KCNQ5: variants seen among roughly 807,000 people sequenced by gnomAD.
KCNQ5 encodes the protein potassium voltage-gated channel subfamily Q member 5, also known as potassium voltage-gated channel subfamily KQT member 5.
A neutral mutation model predicts 98.2 loss-of-function variants in KCNQ5; 30 were observed. The observed-to-expected ratio is 0.31, with a 90% confidence interval of 0.23 to 0.41. The LOEUF is 0.41. KCNQ5 is among the 10% of genes least tolerant of loss of function. KCNQ5 has a pLI of 1.00. For missense variants in KCNQ5, 835 were observed against 1,182.5 expected (o/e 0.71, Z 4.31); for synonymous variants, 458 against 449.4 (o/e 1.02, Z -0.24).
chr6:72,884,598 A>G (rs1028218648), intron 1 of KCNQ5, among the ~76,000 whole-genome samples: 5 of 149,184 alleles, frequency 3.4e-5, no homozygotes, highest in African/African-American at 1.0e-4. Context: ...AGAAATCATT[A>G]TAAAAATTCA....
chr6:72,859,413 TC>T (rs1374237288), intron 1 of KCNQ5, among the ~76,000 whole-genome samples: 1 of 137,756 alleles, frequency 7.3e-6, no homozygotes, highest in Non-Finnish European at 1.7e-5. Context: ...ACCCTTGTTT[TC>T]CCCATATTTT....
rs1054397599 is a variant in KCNQ5, at chr6:72,622,840, G to T, written c.398+253G>T. Among the ~76,000 whole-genome samples, 2 of 152,188 alleles carry T rather than the reference G, an allele frequency of 1.3e-5. No individual in the cohort carries two copies. The highest frequency in any genetic ancestry group is 3.9e-4 in the East Asian group (2 of 5,174). On this transcript the variant is annotated intron_variant, in intron 1 of 13. Coordinates refer to ENST00000370398, the MANE Select transcript of KCNQ5 (RefSeq NM_019842.4). This position sits in a 1 kb window ranked among gnomAD's most constrained non-coding sequence, Gnocchi z 6.0. ...TGCCCGGTAGCTTCAGGCTCCCGGG[G>T]CGAGAGCCAGGCAGACGCGGGACTT...
At chr6:73,141,363 C>T (rs1018711831) in intron 10 of KCNQ5, among the ~76,000 whole-genome samples, 1 of 152,184 alleles carries the variant, frequency 6.6e-6, no homozygotes, top group Admixed American at 6.5e-5. Context: ...ACATTCAGAC[C>T]ATAACAGGTT....
At chr6:72,669,338 A>C (rs1766982129) in intron 1 of KCNQ5, among the ~76,000 whole-genome samples, 1 of 152,338 alleles carries the variant, frequency 6.6e-6, no homozygotes, top group South Asian at 2.1e-4. Context: ...ATCCCGAACA[A>C]GTCAAACTTA....
intron 5 of KCNQ5, among the ~76,000 whole-genome samples, chr6:73,086,345 G>A (rs928762767): frequency 6.6e-6 from 1 of 151,924 alleles, no homozygotes; most frequent in Non-Finnish European, 1.5e-5. Flanking sequence ...TCACACTGAG[G>A]CCACATCATA....
chr6:72,633,613 T>C (rs1002368719), intron 1 of KCNQ5, among the ~76,000 whole-genome samples: 2 of 152,226 alleles, frequency 1.3e-5, no homozygotes, highest in African/African-American at 2.4e-5. Flanking sequence ...AGAACAAAGC[T>C]GGAGGCATCA....
chr6:73,004,145 T>C, intron 2 of KCNQ5, 147 bp downstream of exon 2: 1 of 562,294 alleles, frequency 1.8e-6, no homozygotes, highest in Non-Finnish European at 3.2e-6. Context: ...CTGAAACATT[T>C]GCCCACCAAT....
rs1283489190 is a variant in KCNQ5 at position 73,197,577 on chromosome 6, GCATACACACACACA to G, written c.*2166_*2179del. Reference sequence around the variant, plus strand: ...TGTGATTCCCCCTTGCAAGAATGTTGCATACACACACACACACACACACACACACACACACACAC... The same window carrying G: ...TGTGATTCCCCCTTGCAAGAATGTTGCACACACACACACACACACACACAC... On this transcript the variant is annotated 3_prime_UTR_variant, in exon 14 of 14. Transcript: ENST00000370398. The G allele has an allele frequency of 8.4e-5, 9 of 106,934 alleles. No homozygotes were observed. Among genetic ancestry groups the G allele is most frequent in the Admixed American group, 3.4e-4 (3 of 8,720 alleles). 6.6% of individuals were successfully genotyped at this position (106,934 alleles called of 1,614,324 possible).
chr6:72,755,274 G>A (rs990057595), intron 1 of KCNQ5, among the ~76,000 whole-genome samples: 2 of 151,922 alleles, frequency 1.3e-5, no homozygotes, highest in African/African-American at 4.8e-5. Context: ...TATTTATAGA[G>A]TTGGGACTTC....
chr6:73,149,831 G>GAA (rs1445140941), intron 10 of KCNQ5, among the ~76,000 whole-genome samples: 1,765 of 149,570 alleles, frequency 0.012, 40 homozygotes, highest in African/African-American at 0.042. Flanking sequence ...AGAGAGGGAG[G>GAA]GAGGAAGGAA....
At chr6:72,984,173 C>G (rs945924152) in intron 1 of KCNQ5, among the ~76,000 whole-genome samples, 2 of 152,204 alleles carry the variant, frequency 1.3e-5, no homozygotes, top group African/African-American at 4.8e-5. Context: ...GTCAGGGACC[C>G]ACTTGAGGAG....
chr6:72,669,234 G>A (rs977209881), intron 1 of KCNQ5, among the ~76,000 whole-genome samples: 2 of 152,144 alleles, frequency 1.3e-5, no homozygotes, highest in Non-Finnish European at 2.9e-5. Flanking sequence ...AACCCGACAA[G>A]CTAATGGGCT....
intron 1 of KCNQ5, among the ~76,000 whole-genome samples, chr6:72,796,763 G>T (rs1174520690): frequency 6.6e-6 from 1 of 152,110 alleles, no homozygotes; most frequent in African/African-American, 2.4e-5. Flanking sequence ...AACATAATTA[G>T]CTGTATTTGT....
At chr6:72,892,436 C>T (rs1779093680) in intron 1 of KCNQ5, among the ~76,000 whole-genome samples, 1 of 152,196 alleles carries the variant, frequency 6.6e-6, no homozygotes, top group Non-Finnish European at 1.5e-5. Context: ...TGCTAACTCA[C>T]ATTTGTGATG....
At position 73,012,183 on chromosome 6, in the gene KCNQ5, T is replaced by C. The variant is rs186945039; in HGVS notation, c.489+8185T>C. 1.2e-3 allele frequency among the ~76,000 whole-genome samples: 183 copies of C among 152,248 alleles called. 1 individual carries two copies. The highest frequency in any genetic ancestry group is 2.1e-3 in the Non-Finnish European group (145 of 68,012). On this transcript the variant is annotated intron_variant, in intron 2 of 13. Transcript: ENST00000370398. ...GTGTACACCCATGTTCATAGCAGCA[T>C]TGTTCACAATAGCCAGAATGTGGAA...
At chr6:72,960,075 T>C (rs1767264893) in intron 1 of KCNQ5, among the ~76,000 whole-genome samples, 1 of 152,340 alleles carries the variant, frequency 6.6e-6, no homozygotes, top group African/African-American at 2.4e-5. Flanking sequence ...AGGATCATAC[T>C]GAAAGAAGCC....
At chr6:73,165,658 A>T (rs1777764789) in intron 10 of KCNQ5, among the ~76,000 whole-genome samples, 1 of 152,212 alleles carries the variant, frequency 6.6e-6, no homozygotes, top group Non-Finnish European at 1.5e-5. Flanking sequence ...AGATACAAGA[A>T]GGGCAGCCCC....
At chr6:72,686,173 G>A (rs1017020415) in intron 1 of KCNQ5, among the ~76,000 whole-genome samples, 4 of 152,142 alleles carry the variant, frequency 2.6e-5, no homozygotes, top group African/African-American at 9.7e-5. Context: ...ACTTTAATAT[G>A]TTGAAAATTC....
At position 72,701,017 on chromosome 6, in the gene KCNQ5, T is replaced by C. The variant is rs557195904; in HGVS notation, c.398+78430T>C. ...ACATTGCTGTTTACTAAGTTCATTG[T>C]AGACATGCAACAGCAACAACTGCAA... On this transcript the variant is annotated intron_variant, in intron 1 of 13. Coordinates refer to ENST00000370398, the MANE Select transcript of KCNQ5 (RefSeq NM_019842.4). Among the ~76,000 whole-genome samples the C allele has an allele frequency of 1.1e-4, 16 of 152,380 alleles. No individual in the cohort carries two copies. In the South Asian group the frequency reaches 3.1e-3, roughly 30 times the overall value.
Sources: allele counts gnomAD v4.1 joint callset (sites outside exome capture counted in the v4.1 genomes callset), GRCh38; gene constraint gnomAD v4.1.1; non-coding constraint Gnocchi (gnomAD v3.1); transcripts MANE v1.5; gene names NCBI Gene and HGNC (gene_info 2026-07-23, HGNC 2026-07-21).